Variants in RPUSD2 observed in about 807,000 individuals in gnomAD.
RPUSD2 encodes the protein RNA pseudouridine synthase domain containing 2, also known as pseudouridylate synthase RPUSD2.
In RPUSD2, 31 loss-of-function variants were observed where a neutral mutation model predicts 41.5. The observed-to-expected ratio is 0.75, with a 90% CI of 0.56 to 1.01. The LOEUF is 1.01. Ranked by LOEUF, RPUSD2 falls within the 50% of genes least tolerant of loss-of-function variation. RPUSD2 has a pLI of 0.00. For missense variants in RPUSD2, 749 were observed against 724.7 expected, an observed-to-expected ratio of 1.03 and a Z score of -0.38; for synonymous variants, 305 against 289.7, an observed-to-expected ratio of 1.05 and a Z score of -0.54.
Position 40,573,926 on chromosome 15 carries a change from C to A in RPUSD2, c.1303C>A (p.Leu435Met). ...LDVLDLCEGDLSPGLTDSTAP... is the reference protein window; with the variant it reads ...LDVLDLCEGDMSPGLTDSTAP... ...TGTGCTAGATCTCTGTGAGGGTGAC[C>A]TGTCCCCAGGACTCACAGACTCTAC... The change falls in exon 3 of 3, where the codon CTG becomes ATG. Residue 435 changes from leucine (L) to methionine (M), a missense_variant. Transcript: ENST00000315616. 1.2e-6 allele frequency: 2 copies of A among 1,614,114 alleles called. No individual in the cohort carries two copies. Among genetic ancestry groups the A allele is most frequent in the South Asian group, 1.1e-5 (1 of 91,072 alleles).
chr15:40,573,981 A>G lies in RPUSD2; in HGVS notation c.1358A>G (p.Asp453Gly), dbSNP rs748081070. 2 of 1,614,082 alleles carry G rather than the reference A, an allele frequency of 1.2e-6. No homozygotes were observed. Among genetic ancestry groups the G allele is most frequent in the Admixed American group, 3.3e-5 (2 of 60,016 alleles). Residue 453 changes from aspartate to glycine, a missense_variant, in exon 3 of 3, where the codon GAC becomes GGC. Transcript: ENST00000315616. ...TAPSSELGKD[D>G]LEELAAAAQK... is the part of the protein sequence containing the mutation. ...CCCTCCTCAGAGTTGGGCAAGGACG[A>G]CCTGGAAGAGTTGGCTGCAGCTGCC...
Position 40,573,422 on chromosome 15 carries a change from C to A in RPUSD2, c.904-105C>A, listed in dbSNP as rs530440196. On this transcript the variant is annotated intron_variant, in intron 2 of 2. Transcript: ENST00000315616. ...ATCGCAAAACTGGCGAATGGTAGAG[C>A]TGGAGTTTGAATTTTCTGACACTGG... 1.0e-5 allele frequency: 13 copies of A among 1,281,828 alleles called. No individual in the cohort carries two copies. The African/African-American group carries it at 1.8e-4, about 18-fold the overall frequency. The allele number at this position is 1,281,828 out of a possible 1,614,324, so 79.4% of individuals were successfully genotyped here.
chr15:40,573,831 A>G lies in RPUSD2; in HGVS notation c.1208A>G (p.Tyr403Cys), dbSNP rs771690456. 1.2e-5 allele frequency: 20 copies of G among 1,614,076 alleles called. No individual in the cohort carries two copies. The Admixed American group carries it at 3.0e-4, about 24-fold the overall frequency. Residue 403 changes from tyrosine (Y) to cysteine (C), a missense_variant, in exon 3 of 3, where the codon TAC becomes TGC. Tyr to Cys is a radical substitution (Grantham distance 194). Coordinates refer to ENST00000315616, the MANE Select transcript of RPUSD2 (RefSeq NM_152260.3). ...GGTCCTTCTCGAGGCCGGGGCGGCT[A>G]CATTCCCAAGACAAACGAGGAGTTG... ...AWGPSRGRGG[Y>C]IPKTNEELLR...
rs1242435256 is a variant in RPUSD2 at position 40,573,753 on chromosome 15, A to G, written c.1130A>G (p.Gln377Arg). ...ACACACCAGATTCGAGTCCACCTTC[A>G]GTTCTTGGGCCATCCCATTCTCAAC... ...GRTHQIRVHLQFLGHPILNDP... is the reference protein window; with the variant it reads ...GRTHQIRVHLRFLGHPILNDP... Residue 377 changes from glutamine (Q) to arginine (R), a missense_variant, in exon 3 of 3, where the codon CAG becomes CGG. Coordinates refer to ENST00000315616, the MANE Select transcript of RPUSD2 (RefSeq NM_152260.3). The G allele has an allele frequency of 1.9e-6, 3 of 1,614,216 alleles. No individual in the cohort carries two copies. Among genetic ancestry groups the G allele is most frequent in the South Asian group, 2.2e-5 (2 of 91,088 alleles).
intron 2 of RPUSD2, among the ~76,000 whole-genome samples, chr15:40,572,896 G>C (rs1005061838): frequency 3.3e-5 from 5 of 152,196 alleles, no homozygotes; most frequent in Admixed American, 3.3e-4. Context: ...TGTAATTCTG[G>C]ATCTGAATCA....
At chr15:40,571,103 C>T (rs1891128593) in intron 1 of RPUSD2, among the ~76,000 whole-genome samples, 1 of 152,074 alleles carries the variant, frequency 6.6e-6, no homozygotes, top group Non-Finnish European at 1.5e-5. Context: ...AGCGATTCTC[C>T]TGCCTCAGTC....
At position 40,569,825 on chromosome 15, in the gene RPUSD2, T is replaced by C. The variant is rs768214459; in HGVS notation, c.488T>C (p.Leu163Pro). Residue 163 changes from leucine to proline, a missense_variant, in exon 1 of 3, where the codon CTG becomes CCG. Transcript: ENST00000315616. ...CKGRWVGHSL[L>P]HVFSTEFRAQ... ...GGTCGCTGGGTGGGCCACAGCTTGC[T>C]GCACGTCTTCAGTACCGAGTTCCGA... 1.2e-6 allele frequency: 2 copies of C among 1,613,402 alleles called. No homozygotes were observed. Among genetic ancestry groups the C allele is most frequent in the Admixed American group, 1.7e-5 (1 of 59,936 alleles).
intron 1 of RPUSD2, 70 bp downstream of exon 1, chr15:40,570,013 G>GTTTT (rs926194642): frequency 6.9e-7 from 1 of 1,439,868 alleles, no homozygotes; most frequent in Non-Finnish European, 9.1e-7. Context: ...GTTTTGTTTT[G>GTTTT]TTTTTTAGTC....
intron 1 of RPUSD2, among the ~76,000 whole-genome samples, 173 bp from the exon 2 acceptor site, chr15:40,571,431 G>A (rs1891136944): frequency 6.6e-6 from 1 of 151,716 alleles, no homozygotes; most frequent in Admixed American, 6.6e-5. Context: ...CTATCTGCCT[G>A]TGTCTGTCTG....
Position 40,573,765 on chromosome 15 carries a change from A to G in RPUSD2, c.1142A>G (p.His381Arg). The G allele has an allele frequency of 6.2e-7, 1 of 1,614,226 alleles. No individual in the cohort carries two copies. Among genetic ancestry groups the G allele is most frequent in the South Asian group, 1.1e-5 (1 of 91,086 alleles). ...QIRVHLQFLG[H>R]PILNDPIYNS... ...CGAGTCCACCTTCAGTTCTTGGGCC[A>G]TCCCATTCTCAACGACCCCATCTAC... is the stretch of plus-strand genomic sequence containing the variant. Residue 381 changes from histidine (H) to arginine (R), a missense_variant, in exon 3 of 3, where the codon CAT becomes CGT. His to Arg is a conservative substitution (Grantham distance 29). Transcript: ENST00000315616.
chr15:40,574,016 G>C lies in RPUSD2; in HGVS notation c.1393G>C (p.Glu465Gln). 1 of 1,614,134 alleles carries C rather than the reference G, an allele frequency of 6.2e-7. No individual in the cohort carries two copies. Among genetic ancestry groups the C allele is most frequent in the African/African-American group, 1.3e-5 (1 of 75,042 alleles). ...GTTGGCTGCAGCTGCCCAGAAGATG[G>C]AGGAAGTAGCTGAGGCAGCCCCTCA... The part of the protein sequence containing the change: ...EELAAAAQKM[E>Q]EVAEAAPQEL... Residue 465 changes from glutamate (E) to glutamine (Q), a missense_variant, in exon 3 of 3, where the codon GAG (glutamate) becomes CAG (glutamine). By Grantham distance (29) the Glu-to-Gln change is conservative. Transcript: ENST00000315616.
intron 2 of RPUSD2, among the ~76,000 whole-genome samples, chr15:40,572,826 A>G (rs189104891): frequency 2.0e-5 from 3 of 152,138 alleles, no homozygotes; most frequent in South Asian, 4.1e-4. Flanking sequence ...AAGATTCTAG[A>G]TGTAGTTGGA....
At chr15:40,572,505 G>A (rs887590277) in intron 2 of RPUSD2, among the ~76,000 whole-genome samples, 27 of 151,438 alleles carry the variant, frequency 1.8e-4, no homozygotes, top group African/African-American at 6.3e-4. Flanking sequence ...GGTGGAGCTT[G>A]CAGTGAGCCG....
Position 40,573,644 on chromosome 15 carries a change from G to A in RPUSD2, c.1021G>A (p.Gly341Ser). Residue 341 changes from glycine to serine, a missense_variant, in exon 3 of 3, where the codon GGC becomes AGC. By Grantham distance (56) the Gly-to-Ser change is moderately conservative. Transcript: ENST00000315616. ...AGGGGTGTGCCGTGTAGATCCCCGGGGCAAGCCCTGTGAGACAGTGTTCCA... is the reference window on the plus strand; with the variant it reads ...AGGGGTGTGCCGTGTAGATCCCCGGAGCAAGCCCTGTGAGACAGTGTTCCA... ...KVGVCRVDPRGKPCETVFQRL... is the reference protein window; with the variant it reads ...KVGVCRVDPRSKPCETVFQRL... The A allele has an allele frequency of 1.2e-6, 2 of 1,613,384 alleles. No homozygotes were observed. Among genetic ancestry groups the A allele is most frequent in the Non-Finnish European group, 1.7e-6 (2 of 1,179,660 alleles).
intron 2 of RPUSD2, among the ~76,000 whole-genome samples, chr15:40,572,211 T>G (rs1252991195): frequency 6.8e-6 from 1 of 147,554 alleles, no homozygotes; most frequent in Non-Finnish European, 1.5e-5. Context: ...GAGGATAGCT[T>G]GAGCCCAGGA....
At position 40,569,375 on chromosome 15, in the gene RPUSD2, G is replaced by A. The variant is rs768606124; in HGVS notation, c.38G>A (p.Gly13Glu). 1.1e-5 allele frequency: 16 copies of A among 1,515,546 alleles called. No homozygotes were observed. The highest frequency in any genetic ancestry group is 1.4e-5 in the Non-Finnish European group (16 of 1,137,230). The allele number at this position is 1,515,546 out of a possible 1,614,324, so 93.9% of individuals were successfully genotyped here. A position where few individuals can be genotyped will look rare whatever the true frequency, so the allele number is the denominator to read the frequency against. ...CGCCGCGGATGGCTCAGGGTTCTTGGACATTGGCGCTACGACCTTAGGCGC... is the reference window on the plus strand; with the variant it reads ...CGCCGCGGATGGCTCAGGGTTCTTGAACATTGGCGCTACGACCTTAGGCGC... ...LDRRGWLRVL[G>E]HWRYDLRRPS... The change falls in exon 1 of 3, where the codon GGA becomes GAA. Residue 13 changes from glycine (G) to glutamate (E), a missense_variant. Physicochemically the swap from Gly to Glu is moderately conservative, Grantham distance 98. Coordinates refer to ENST00000315616, the MANE Select transcript of RPUSD2 (RefSeq NM_152260.3).
Position 40,573,816 on chromosome 15 carries a change from G to A in RPUSD2, c.1193G>A (p.Arg398Gln), listed in dbSNP as rs781484718. Residue 398 changes from arginine (R) to glutamine (Q), a missense_variant, in exon 3 of 3, where the codon CGA becomes CAA. Coordinates refer to ENST00000315616, the MANE Select transcript of RPUSD2 (RefSeq NM_152260.3). ...IYNSVAWGPS[R>Q]GRGGYIPKTN... ...AACTCAGTTGCCTGGGGTCCTTCTC[G>A]AGGCCGGGGCGGCTACATTCCCAAG... 3 of 1,614,042 alleles carry A rather than the reference G, an allele frequency of 1.9e-6. No individual in the cohort carries two copies. The highest frequency in any genetic ancestry group is 2.5e-6 in the Non-Finnish European group (3 of 1,180,034).
chr15:40,571,117 C>T (rs1891128800), intron 1 of RPUSD2, among the ~76,000 whole-genome samples: 1 of 152,042 alleles, frequency 6.6e-6, no homozygotes, highest in African/African-American at 2.4e-5. Context: ...CTCAGTCTCC[C>T]AAGTAGCTGG....
rs1022920193 is a variant in RPUSD2 at position 40,569,625 on chromosome 15, G to C, written c.288G>C (p.Pro96=). The change falls in exon 1 of 3, where the codon CCG becomes CCC. Residue 96 remains proline, a synonymous_variant. Transcript: ENST00000315616. ...ATCCCTCGGCTGCAGCCCCAGGCCC[G>C]GGCAAGCATAAGAAGCGGCGGGGCG... ...GEHPSAAAPG[P]GKHKKRRGAT... 4 of 1,538,914 alleles carry C rather than the reference G, an allele frequency of 2.6e-6. No homozygotes were observed. In the African/African-American group the frequency reaches 5.4e-5, roughly 21 times the overall value.
Sources: gnomAD v4.1 joint callset for allele counts (sites outside exome capture counted in the v4.1 genomes callset) on GRCh38, gnomAD v4.1.1 for gene constraint, MANE v1.5 for transcripts, NCBI Gene and HGNC (gene_info 2026-07-23, HGNC 2026-07-21) for gene names.